Variants in GEMIN5 observed in about 807,000 individuals in gnomAD.
GEMIN5 encodes the protein gem nuclear organelle associated protein 5.
Under a neutral mutation model 176.9 loss-of-function variants are expected in GEMIN5, and 124 were observed. That is an observed-to-expected ratio of 0.70 (90% CI 0.61 to 0.81). The LOEUF (loss-of-function observed/expected upper bound fraction) is 0.81, where lower values mean the gene tolerates loss of function less well. Among genes scored for constraint, GEMIN5 ranks in the 40% least tolerant of loss-of-function variants. GEMIN5 has a pLI of 0.00. For synonymous variants in GEMIN5, 673 were observed against 665.2 expected (o/e 1.01, Z -0.18); for missense variants, 1,843 against 1,814.6 (o/e 1.02, Z -0.28).
intron 7 of GEMIN5, 100 bp from the exon 8 acceptor site, chr5:154,926,174 G>T: frequency 1.5e-6 from 1 of 688,322 alleles, no homozygotes; most frequent in Non-Finnish European, 2.5e-6. Context: ...GACTGGGTAA[G>T]GATAATGCAT....
chr5:154,897,914 G>GTTTTTTTTTTTTTTTT (rs35458616), intron 23 of GEMIN5, among the ~76,000 whole-genome samples: 1 of 124,510 alleles, frequency 8.0e-6, no homozygotes, highest in Non-Finnish European at 1.6e-5. Flanking sequence ...TTTTTTTTGT[G>GTTTTTTTTTTTTTTTT]TTTTTTTTTT....
intron 26 of GEMIN5, among the ~76,000 whole-genome samples, chr5:154,890,789 A>C (rs1227655231): frequency 6.6e-6 from 1 of 151,888 alleles, no homozygotes; most frequent in Non-Finnish European, 1.5e-5. Context: ...TTTGAGATGA[A>C]GTCTCCCTCT....
In GEMIN5 at chr5:154,934,932, CAGAAT is replaced by C. The variant is rs369018916; in HGVS notation, c.509+904_509+908del. Among the ~76,000 whole-genome samples, 522 of 152,280 alleles carry C rather than the reference CAGAAT, an allele frequency of 3.4e-3. 3 individuals are homozygous for C. The highest frequency in any genetic ancestry group is 0.012 in the African/African-American group (505 of 41,556). The stretch of plus-strand genomic sequence containing the variant: ...GCCTCAATGAGAAAATCAGAAATAC[CAGAAT>C]AGAACACCTTTTTCTTCCAAGCACA... On this transcript the variant is annotated intron_variant, in intron 3 of 27. Transcript: ENST00000285873.
At chr5:154,915,510 A>T (rs1763792414) in intron 13 of GEMIN5, among the ~76,000 whole-genome samples, 1 of 152,240 alleles carries the variant, frequency 6.6e-6, no homozygotes, top group Non-Finnish European at 1.5e-5. Context: ...AATTATACCC[A>T]TATGAAAGTT....
intron 24 of GEMIN5, among the ~76,000 whole-genome samples, chr5:154,895,098 A>C (rs536499168): frequency 1.1e-3 from 160 of 152,152 alleles, no homozygotes; most frequent in Non-Finnish European, 2.0e-3. Flanking sequence ...AGAAAAGAAA[A>C]GGAAAAAAGA....
chr5:154,888,865 G>GTTTTTT (rs1554100466), intron 27 of GEMIN5, among the ~76,000 whole-genome samples: 1 of 147,486 alleles, frequency 6.8e-6, no homozygotes, highest in African/African-American at 2.5e-5. Context: ...TTTTTGTTTT[G>GTTTTTT]TTTTTTTTTT....
intron 11 of GEMIN5, among the ~76,000 whole-genome samples, chr5:154,919,462 A>G (rs772721342): frequency 1.3e-5 from 2 of 152,356 alleles, no homozygotes; most frequent in Non-Finnish European, 2.9e-5. Flanking sequence ...GGTAAAGGAT[A>G]TAAGCAAATT....
chr5:154,912,589 AAG>A (rs1248512144), intron 14 of GEMIN5, among the ~76,000 whole-genome samples: 2 of 152,248 alleles, frequency 1.3e-5, no homozygotes, highest in Non-Finnish European at 2.9e-5. Context: ...GTCTGAACAG[AAG>A]AGAGTACTTT....
rs751537426 is a variant in GEMIN5 at position 154,902,566 on chromosome 5, C to T, written c.2839G>A (p.Asp947Asn). Residue 947 changes from aspartate to asparagine, a missense_variant, in exon 20 of 28, where the codon GAC (aspartate) becomes AAC (asparagine). By Grantham distance (23) the Asp-to-Asn change is conservative (BLOSUM62 1). Coordinates refer to ENST00000285873, the MANE Select transcript of GEMIN5 (RefSeq NM_015465.5). ...GCTGGTGCCATAGCCACAAGGTTGTCTGTCAGCTCCCCTCTTTCTGCTGCA... is the reference window on the plus strand; with the variant it reads ...GCTGGTGCCATAGCCACAAGGTTGTTTGTCAGCTCCCCTCTTTCTGCTGCA... ...QTAAERGELT[D>N]NLVAMAPAAG... The T allele has an allele frequency of 6.2e-7, 1 of 1,614,162 alleles. No homozygotes were observed. Among genetic ancestry groups the T allele is most frequent in the Non-Finnish European group, 8.5e-7 (1 of 1,179,976 alleles).
At position 154,935,077 on chromosome 5, in the gene GEMIN5, T is replaced by A. The variant is rs985260716; in HGVS notation, c.509+764A>T. Among the ~76,000 whole-genome samples, 3 of 152,240 alleles carry A rather than the reference T, an allele frequency of 2.0e-5. 1 individual carries two copies. The highest frequency in any genetic ancestry group is 7.2e-5 in the African/African-American group (3 of 41,462). On this transcript the variant is annotated intron_variant, in intron 3 of 27. Coordinates refer to ENST00000285873, the MANE Select transcript of GEMIN5 (RefSeq NM_015465.5). ...TACCCCTGCATTTATCATAGTTTAC[T>A]CCTGCAACAAGCTCTTCCTCTTTTC...
rs764676143 is a variant in GEMIN5 at position 154,928,614 on chromosome 5, C to T, written c.827G>A (p.Gly276Asp). 2 of 1,613,564 alleles carry T rather than the reference C, an allele frequency of 1.2e-6. No individual in the cohort carries two copies. The highest frequency in any genetic ancestry group is 1.7e-5 in the Admixed American group (1 of 60,020). Residue 276 changes from glycine to aspartate, a missense_variant, in exon 6 of 28, where the codon GGT becomes GAT. Physicochemically the swap from Gly to Asp is moderately conservative, Grantham distance 94. Transcript: ENST00000285873. ...GCGCTCTTTAACAGTTGGGTCTATA[C>T]CCCCTCCTCTTCTCTTCAGAAAGGG... ...KLPFLKRRGGGIDPTVKERLW... is the reference protein window; with the variant it reads ...KLPFLKRRGGDIDPTVKERLW...
At position 154,931,587 on chromosome 5, in the gene GEMIN5, A is replaced by G. The variant is rs1201968303; in HGVS notation, c.662-10T>C. ...GTAATTTCAGCTTCTTCTATGAGAT[A>G]GGTGGCAATTTTGTTTTTAATTTAC... On this transcript the variant is annotated splice_polypyrimidine_tract_variant and intron_variant, in intron 4 of 27. Transcript: ENST00000285873. 2 of 1,577,838 alleles carry G rather than the reference A, an allele frequency of 1.3e-6. No homozygotes were observed. The highest frequency in any genetic ancestry group is 1.7e-6 in the Non-Finnish European group (2 of 1,157,636).
Position 154,937,162 on chromosome 5 carries a change from T to G in GEMIN5, c.190A>C (p.Thr64Pro), listed in dbSNP as rs1764286710. 1 of 1,612,572 alleles carries G rather than the reference T, an allele frequency of 6.2e-7. No individual in the cohort carries two copies. The highest frequency in any genetic ancestry group is 2.2e-5 in the East Asian group (1 of 44,846). Residue 64 changes from threonine to proline, a missense_variant, in exon 2 of 28, where the codon ACC becomes CCC. Thr to Pro is a conservative substitution (Grantham distance 38). Coordinates refer to ENST00000285873, the MANE Select transcript of GEMIN5 (RefSeq NM_015465.5). ...AATGTGAAGCCAGAGACCCTTTCGG[T>G]GTGTCCCACCAACTCTCCTATGACT... ...FRVIGELVGH[T>P]ERVSGFTFSH...
intron 11 of GEMIN5, 100 bp from the exon 12 acceptor site, chr5:154,918,104 A>G: frequency 2.8e-6 from 2 of 707,648 alleles, no homozygotes; most frequent in South Asian, 3.1e-5. Flanking sequence ...AAACGTTTTA[A>G]TTATACAACA....
chr5:154,897,931 T>TG (rs1763385268), intron 23 of GEMIN5, among the ~76,000 whole-genome samples: 1 of 150,226 alleles, frequency 6.7e-6, no homozygotes, highest in Non-Finnish European at 1.5e-5. Context: ...TTTTTTTTTT[T>TG]GAGACAGAGT....
At chr5:154,909,154 T>TTTG (rs1175533326) in intron 15 of GEMIN5, among the ~76,000 whole-genome samples, 9 of 148,956 alleles carry the variant, frequency 6.0e-5, no homozygotes, top group Non-Finnish European at 1.3e-4. Context: ...TTTTTTTTTT[T>TTTG]GTAGAGATGG....
intron 8 of GEMIN5, among the ~76,000 whole-genome samples, chr5:154,924,988 C>G (rs929341797): frequency 1.3e-5 from 2 of 151,362 alleles, no homozygotes; most frequent in Non-Finnish European, 2.9e-5. Context: ...GACTCTGTCT[C>G]AAAAAACAAA....
At chr5:154,895,786 T>C (rs1282629216) in intron 24 of GEMIN5, among the ~76,000 whole-genome samples, 2 of 151,410 alleles carry the variant, frequency 1.3e-5, no homozygotes, top group Non-Finnish European at 3.0e-5. Flanking sequence ...CTCTTAGGAG[T>C]CTGAGGCGGG....
In GEMIN5 at chr5:154,937,125, G is replaced by C. The variant is rs1038570959; in HGVS notation, c.227C>G (p.Pro76Arg). 6.2e-7 allele frequency: 1 copy of C among 1,613,736 alleles called. No individual in the cohort carries two copies. Among genetic ancestry groups the C allele is most frequent in the Non-Finnish European group, 8.5e-7 (1 of 1,179,654 alleles). Residue 76 changes from proline (P) to arginine (R), a missense_variant, in exon 2 of 28, where the codon CCT becomes CGT. Coordinates refer to ENST00000285873, the MANE Select transcript of GEMIN5 (RefSeq NM_015465.5). ...GGTGGCACAGAGGTTGTACTGACCA[G>C]GGTGATGAGAAAATGTGAAGCCAGA... ...RVSGFTFSHHPGQYNLCATSS... is the reference protein window; with the variant it reads ...RVSGFTFSHHRGQYNLCATSS...
Sources: allele counts gnomAD v4.1 joint callset (sites outside exome capture counted in the v4.1 genomes callset), GRCh38; gene constraint gnomAD v4.1.1; transcripts MANE v1.5; gene names NCBI Gene and HGNC (gene_info 2026-07-23, HGNC 2026-07-21).